The following C4orf50 variants were observed in gnomAD, a reference collection of about 807,000 sequenced individuals.
The protein encoded by C4orf50 is uncharacterized protein C4orf50.
In C4orf50, 80 loss-of-function variants were observed where a neutral mutation model predicts 77.2. The observed-to-expected ratio is 1.04, with a 90% CI of 0.87 to 1.25. The LOEUF (loss-of-function observed/expected upper bound fraction) is 1.25. Ranked by LOEUF, C4orf50 falls within the 50% of genes most tolerant of loss-of-function variation. The pLI, the probability that C4orf50 is intolerant of heterozygous loss-of-function variation, is 0.00. For missense variants in C4orf50, 1,257 were observed against 1,152.9 expected (o/e 1.09, Z -1.31); for synonymous variants, 532 against 465.3 (o/e 1.14, Z -1.84).
At chr4:5,966,672 T>C (rs1719587690) in intron 32 of C4orf50, among the ~76,000 whole-genome samples, 1 of 145,938 alleles carries the variant, frequency 6.9e-6, no homozygotes, top group African/African-American at 2.5e-5. Context: ...TTTTTTTTTT[T>C]CGGAGTCTTG....
intron 28 of C4orf50, among the ~76,000 whole-genome samples, chr4:5,982,821 C>T (rs903639689): frequency 3.9e-5 from 6 of 152,084 alleles, no homozygotes; most frequent in African/African-American, 1.4e-4. Flanking sequence ...GAGAGGCCCC[C>T]CAGCAGGAGA....
exon 28 of C4orf50, chr4:5,989,149 T>C (rs890434297): frequency 6.5e-7 from 1 of 1,535,392 alleles, no homozygotes; most frequent in African/African-American, 1.4e-5. Flanking sequence ...CACCTCTCTC[T>C]CTCTCTCTCT....
intron 25 of C4orf50, among the ~76,000 whole-genome samples, chr4:5,997,688 G>A (rs1364932417): frequency 1.1e-4 from 17 of 152,314 alleles, no homozygotes; most frequent in Admixed American, 2.6e-4. Context: ...CAGGATATCC[G>A]GGCATAAACA....
At chr4:5,989,912 T>G (rs1217943131) in exon 28 of C4orf50, 1 of 1,428,868 alleles carries the variant, frequency 7.0e-7, no homozygotes, top group Non-Finnish European at 9.1e-7. Flanking sequence ...AGCAGAGCAT[T>G]TCCAAGCCAC....
chr4:5,990,847 A>G, intron 27 of C4orf50, 23 bp from the exon 6 acceptor site: 1 of 399,128 alleles, frequency 2.5e-6, no homozygotes, highest in Non-Finnish European at 4.4e-6. Flanking sequence ...AGAGAAGATG[A>G]GGTGTGAAAC....
At chr4:5,936,586 A>C (rs1385797533) in intron 7 of C4orf50, among the ~76,000 whole-genome samples, 2 of 151,320 alleles carry the variant, frequency 1.3e-5, no homozygotes, top group South Asian at 4.2e-4. Context: ...AAAAAAAAGA[A>C]AGACAGACAG....
chr4:5,960,968 T>C (rs1719241744), intron 33 of C4orf50, among the ~76,000 whole-genome samples: 2 of 152,070 alleles, frequency 1.3e-5, no homozygotes, highest in South Asian at 2.1e-4. Flanking sequence ...GCCAACATGG[T>C]AAAACCCTGT....
chr4:5,988,227 T>G lies in C4orf50; in HGVS notation c.3699+120A>C, dbSNP rs1401160356. The G allele has an allele frequency of 1.0e-5, 13 of 1,293,142 alleles. No individual in the cohort carries two copies. The East Asian group carries it at 2.8e-4, about 28-fold the overall frequency. The allele number at this position is 1,293,142 out of a possible 1,614,324, so 80.1% of individuals were successfully genotyped here. A position where few individuals can be genotyped will look rare whatever the true frequency, so the allele number is the denominator to read the frequency against. ...TTTGTACCAACCTCCTCTCATCTGG[T>G]AAGTGGGGAGGATGATTGTACCTCC... On this transcript the variant is annotated intron_variant, in intron 28 of 33. Coordinates refer to ENST00000531445, the Ensembl canonical transcript of C4orf50.
rs1403620224 is a variant in C4orf50, at chr4:6,018,468, A to AATTAAGT, written c.-44_-38dup. Reference sequence around the variant, plus strand: ...TTCATGGGGCAAGACTTAATAATAAAATTAAGTGAGTTTGCAACATTGACT... The same window carrying AATTAAGT: ...TTCATGGGGCAAGACTTAATAATAAAATTAAGTATTAAGTGAGTTTGCAACATTGACT... On this transcript the variant is annotated 5_prime_UTR_variant, in exon 23 of 34. Transcript: ENST00000531445. The surrounding 1 kb of genome is among the most constrained non-coding windows in gnomAD (Gnocchi z 5.1). The AATTAAGT allele has an allele frequency of 7.5e-6, 3 of 398,688 alleles. No homozygotes were observed. The allele number at this position is 398,688 out of a possible 1,614,324, so 24.7% of individuals were successfully genotyped here.
At chr4:6,005,686 T>G (rs1482670429) in intron 25 of C4orf50, among the ~76,000 whole-genome samples, 1 of 152,226 alleles carries the variant, frequency 6.6e-6, no homozygotes, top group African/African-American at 2.4e-5. Flanking sequence ...CTCACAAGGC[T>G]GTCCTAAGGA....
intron 7 of C4orf50, among the ~76,000 whole-genome samples, chr4:5,926,396 G>C (rs1717511901): frequency 6.6e-6 from 1 of 152,218 alleles, no homozygotes; most frequent in South Asian, 2.1e-4. Context: ...CAGACCCACA[G>C]GGACGGAAAG....
intron 7 of C4orf50, chr4:5,903,553 G>T (rs1403463410): frequency 6.6e-6 from 1 of 152,182 alleles, no homozygotes; most frequent in African/African-American, 2.4e-5. Context: ...AAAGGACAAA[G>T]ACTGTATGAT....
In C4orf50 at chr4:6,008,335, G is replaced by T. The variant is rs1487218697; in HGVS notation, c.624C>A (p.Asn208Lys). The change falls in exon 25 of 34, where the codon AAC becomes AAA. Residue 208 changes from asparagine to lysine, a missense_variant. Physicochemically the swap from Asn to Lys is moderately conservative, Grantham distance 94 (BLOSUM62 0). Coordinates refer to ENST00000531445, the Ensembl canonical transcript of C4orf50. The surrounding 1 kb of genome is among the most constrained non-coding windows in gnomAD (Gnocchi z 6.0). The stretch of plus-strand genomic sequence containing the variant: ...CCGCGGCGCGGCAGAGGCGCCGCAC[G>T]TTGCGCTCCAGCCGCTGCACCTGCT... The T allele has an allele frequency of 7.7e-6, 3 of 389,356 alleles. No homozygotes were observed. The highest frequency in any genetic ancestry group is 6.2e-5 in the African/African-American group (3 of 48,098). The allele number at this position is 389,356 out of a possible 1,614,324, so 24.1% of individuals were successfully genotyped here. A position where few individuals can be genotyped will look rare whatever the true frequency, so the allele number is the denominator to read the frequency against.
chr4:5,910,205 C>T (rs1414900889), intron 7 of C4orf50, among the ~76,000 whole-genome samples: 6 of 152,030 alleles, frequency 3.9e-5, no homozygotes, highest in Non-Finnish European at 7.4e-5. Context: ...TAAAAAAACC[C>T]CAAGAGAAAC....
At chr4:5,999,040 G>A (rs558242030) in intron 25 of C4orf50, among the ~76,000 whole-genome samples, 7 of 152,328 alleles carry the variant, frequency 4.6e-5, no homozygotes, top group South Asian at 2.1e-4. Context: ...TATGACCCCA[G>A]GCAAGTTACG....
chr4:5,969,311 T>G (rs1719766359), intron 31 of C4orf50, among the ~76,000 whole-genome samples: 1 of 151,896 alleles, frequency 6.6e-6, no homozygotes, highest in Non-Finnish European at 1.5e-5. Context: ...ATTGCTGATT[T>G]AATGAACTGG....
intron 31 of C4orf50, among the ~76,000 whole-genome samples, chr4:5,972,357 A>G (rs1719979607): frequency 6.6e-6 from 1 of 152,136 alleles, no homozygotes. Flanking sequence ...AGTGGATCCC[A>G]AGGACTATGC....
chr4:5,903,371 G>A (rs1160197929), intron 7 of C4orf50: 1 of 152,190 alleles, frequency 6.6e-6, no homozygotes, highest in Non-Finnish European at 1.5e-5. Flanking sequence ...AATACTCACA[G>A]TAGCCAAAAA....
intron 30 of C4orf50, among the ~76,000 whole-genome samples, chr4:5,975,028 T>C (rs1260834450): frequency 2.0e-5 from 3 of 151,162 alleles, no homozygotes; most frequent in Non-Finnish European, 4.4e-5. Context: ...TAATCCCAGC[T>C]ACTTGGGAGG....
Sources: gnomAD v4.1 joint callset for allele counts (sites outside exome capture counted in the v4.1 genomes callset) on GRCh38, gnomAD v4.1.1 for gene constraint, Gnocchi (gnomAD v3.1) non-coding constraint, MANE v1.5 for transcripts, NCBI Gene and HGNC (gene_info 2026-07-23, HGNC 2026-07-21) for gene names.